Variants in TTLL5 observed in about 807,000 individuals in gnomAD.
TTLL5 encodes tubulin tyrosine ligase like 5, also known as tubulin polyglutamylase TTLL5.
A neutral mutation model predicts 168.4 loss-of-function variants in TTLL5; 132 were observed. That is an observed-to-expected ratio of 0.78 (90% CI 0.68 to 0.91). The LOEUF is 0.91. TTLL5 is among the 40% of genes least tolerant of loss of function. The pLI is 0.00. For missense variants in TTLL5, 1,545 were observed against 1,581.5 expected (o/e 0.98, Z 0.39); for synonymous variants, 546 against 558.6 (o/e 0.98, Z 0.32).
intron 28 of TTLL5, among the ~76,000 whole-genome samples, chr14:75,822,966 C>T (rs1894916480): frequency 6.6e-6 from 1 of 152,148 alleles, no homozygotes; most frequent in Non-Finnish European, 1.5e-5. Flanking sequence ...GCCAGCCATC[C>T]CTCTGTTGTT....
chr14:75,847,587 C>T (rs557453318), intron 28 of TTLL5: 21 of 152,162 alleles, frequency 1.4e-4, no homozygotes, highest in African/African-American at 4.6e-4. Flanking sequence ...ATTCAGTGCT[C>T]ACAGCTGCTC....
At chr14:75,769,459 T>C (rs1249776056) in intron 20 of TTLL5, among the ~76,000 whole-genome samples, 1 of 152,230 alleles carries the variant, frequency 6.6e-6, no homozygotes, top group Non-Finnish European at 1.5e-5. Context: ...TGCAAGTGAC[T>C]AGCTGAACAA....
At chr14:75,706,814 C>T (rs1886689819) in intron 7 of TTLL5, among the ~76,000 whole-genome samples, 1 of 151,192 alleles carries the variant, frequency 6.6e-6, no homozygotes. Context: ...ATTTATTTTT[C>T]CTGCATCGTA....
intron 7 of TTLL5, 48 bp from the exon 8 acceptor site, chr14:75,706,970 G>A (rs374222478): frequency 6.8e-7 from 1 of 1,469,570 alleles, no homozygotes; most frequent in Non-Finnish European, 9.5e-7. Context: ...TTGTAAATTA[G>A]GATTCCTGTG....
chr14:75,770,731 A>G (rs555704143), intron 20 of TTLL5, among the ~76,000 whole-genome samples: 3 of 152,280 alleles, frequency 2.0e-5, no homozygotes, highest in Admixed American at 2.0e-4. Context: ...TGCGTTCTTT[A>G]ATGATGTTGC....
intron 13 of TTLL5, among the ~76,000 whole-genome samples, chr14:75,733,713 A>G (rs540574424): frequency 6.6e-6 from 1 of 152,188 alleles, no homozygotes; most frequent in Non-Finnish European, 1.5e-5. Flanking sequence ...CAAATTTTGA[A>G]TTGCACAAGA....
At chr14:75,810,994 G>A (rs1314295492) in intron 27 of TTLL5, among the ~76,000 whole-genome samples, 1 of 151,772 alleles carries the variant, frequency 6.6e-6, no homozygotes, top group East Asian at 1.9e-4. Context: ...CTCCCTTGTG[G>A]CCCAGGCAAA....
chr14:75,933,923 C>A (rs970570600), intron 31 of TTLL5, among the ~76,000 whole-genome samples: 1 of 152,358 alleles, frequency 6.6e-6, no homozygotes, highest in Admixed American at 6.5e-5. Flanking sequence ...CTGTGGCCAT[C>A]TGCAAGCCAA....
intron 28 of TTLL5, among the ~76,000 whole-genome samples, chr14:75,828,733 T>C (rs1343576494): frequency 6.6e-6 from 1 of 152,220 alleles, no homozygotes; most frequent in Non-Finnish European, 1.5e-5. Flanking sequence ...CTCTCAAATA[T>C]CTTACTAGCT....
chr14:75,806,183 G>A (rs879510378), intron 27 of TTLL5, among the ~76,000 whole-genome samples: 3 of 151,850 alleles, frequency 2.0e-5, no homozygotes, highest in East Asian at 1.9e-4. Context: ...GATGCCTGCC[G>A]CCATGCCGGG....
chr14:75,898,234 T>A (rs1356959089), intron 30 of TTLL5, among the ~76,000 whole-genome samples: 2 of 152,244 alleles, frequency 1.3e-5, no homozygotes, highest in East Asian at 3.8e-4. Context: ...TTCCAATTGA[T>A]TTTACACTTA....
At chr14:75,770,746 G>A (rs1461153431) in intron 20 of TTLL5, among the ~76,000 whole-genome samples, 1 of 152,184 alleles carries the variant, frequency 6.6e-6, no homozygotes, top group Non-Finnish European at 1.5e-5. Context: ...TGTTGCTAAG[G>A]TGCTTTTCAC....
At chr14:75,773,939 GAGAGAGAGAGAGAGAGAA>G (rs1380346356) in intron 21 of TTLL5, among the ~76,000 whole-genome samples, 1 of 35,166 alleles carries the variant, frequency 2.8e-5, no homozygotes, top group African/African-American at 8.4e-5. Flanking sequence ...GAGAGAGAGA[GAGAGAGAGAGAGAGAGAA>G]AGAGAGAGAG....
chr14:75,694,669 G>T (rs889517301), intron 6 of TTLL5, among the ~76,000 whole-genome samples: 5 of 152,180 alleles, frequency 3.3e-5, no homozygotes, highest in African/African-American at 1.2e-4. Context: ...TGAGCGGAGG[G>T]ACTGGCTGAA....
At chr14:75,908,315 T>C (rs1018073891) in intron 31 of TTLL5, among the ~76,000 whole-genome samples, 3 of 152,258 alleles carry the variant, frequency 2.0e-5, no homozygotes, top group African/African-American at 7.2e-5. Flanking sequence ...CCGATGGCAG[T>C]GGGCTGCATC....
chr14:75,865,890 G>A (rs1471379952), intron 29 of TTLL5, among the ~76,000 whole-genome samples: 3 of 152,144 alleles, frequency 2.0e-5, no homozygotes, highest in East Asian at 3.8e-4. Context: ...GAGTTATCTC[G>A]TTCTCCTGGA....
At chr14:75,833,132 C>A (rs1437581149) in intron 28 of TTLL5, among the ~76,000 whole-genome samples, 1 of 152,216 alleles carries the variant, frequency 6.6e-6, no homozygotes, top group Non-Finnish European at 1.5e-5. Flanking sequence ...AGCCTCACTT[C>A]CTGCGTTCCT....
At chr14:75,662,135 A>AT (rs746548360) in intron 1 of TTLL5, among the ~76,000 whole-genome samples, 1 of 152,084 alleles carries the variant, frequency 6.6e-6, no homozygotes, top group Non-Finnish European at 1.5e-5. Context: ...AAACTTTGTG[A>AT]TTTTTAGGAA....
Position 75,954,434 on chromosome 14 carries a change from C to G in TTLL5, c.3834C>G (p.His1278Gln), listed in dbSNP as rs1398956929. ...CTTTCTCTTTTTCAGATCCTGCTCA[C>G]ACTAAAATATGAACCACAAACACAC... The part of the protein sequence containing the change: ...VPITSSTDPA[H>Q]TKI Residue 1278 changes from histidine (H) to glutamine (Q), a missense_variant, in exon 32 of 32, where the codon CAC becomes CAG. Coordinates refer to ENST00000298832, the MANE Select transcript of TTLL5 (RefSeq NM_015072.5). 2 of 1,614,040 alleles carry G rather than the reference C, an allele frequency of 1.2e-6. No individual in the cohort carries two copies. Among genetic ancestry groups the G allele is most frequent in the East Asian group, 4.5e-5 (2 of 44,886 alleles).
Sources: allele counts gnomAD v4.1 joint callset (sites outside exome capture counted in the v4.1 genomes callset), GRCh38; gene constraint gnomAD v4.1.1; transcripts MANE v1.5; gene names NCBI Gene and HGNC (gene_info 2026-07-23, HGNC 2026-07-21).